SHISA9: variants seen among roughly 807,000 people sequenced by gnomAD.
SHISA9 encodes protein shisa-9.
A neutral mutation model predicts 38.0 loss-of-function variants in SHISA9; 13 were observed. The observed-to-expected ratio is 0.34, with a 90% CI of 0.22 to 0.54. The LOEUF (loss-of-function observed/expected upper bound fraction) is 0.54. Ranked by LOEUF, SHISA9 falls within the 20% of genes least tolerant of loss-of-function variation. SHISA9 has a pLI of 0.91. For missense variants in SHISA9, 538 were observed against 575.8 expected (o/e 0.93, Z 0.67); for synonymous variants, 275 against 242.0 (o/e 1.14, Z -1.27).
chr16:13,469,377 G>GAA, the SHISA9 span, among the ~76,000 whole-genome samples: 965 of 92,794 alleles, frequency 0.01, 8 homozygotes, highest in Admixed American at 0.03. Context: ...AAGAAAGAAA[G>GAA]AAAGAAAGAA....
the SHISA9 span, among the ~76,000 whole-genome samples, chr16:13,379,337 G>T: frequency 6.6e-6 from 1 of 152,254 alleles, no homozygotes. Flanking sequence ...TGCTCTCTCT[G>T]ATGGTGATTA....
chr16:12,917,573 A>G (rs542509866), intron 2 of SHISA9, among the ~76,000 whole-genome samples: 2 of 152,378 alleles, frequency 1.3e-5, no homozygotes, highest in East Asian at 3.9e-4. Flanking sequence ...TACAATATAC[A>G]TCGTGGAGCT....
chr16:13,150,803 A>G (rs1567228690), intron 2 of SHISA9, among the ~76,000 whole-genome samples: 1 of 152,208 alleles, frequency 6.6e-6, no homozygotes, highest in African/African-American at 2.4e-5. Flanking sequence ...TTGGGATTCA[A>G]CCATGACCAT....
chr16:13,356,775 G>C, the SHISA9 span, among the ~76,000 whole-genome samples: 2 of 152,130 alleles, frequency 1.3e-5, no homozygotes, highest in African/African-American at 2.4e-5. Flanking sequence ...GGAAGGGACT[G>C]ATGTGTAAAA....
At chr16:13,023,829 T>G (rs1034228391) in intron 2 of SHISA9, among the ~76,000 whole-genome samples, 1 of 152,222 alleles carries the variant, frequency 6.6e-6, no homozygotes, top group South Asian at 2.1e-4. Flanking sequence ...CCTCTTTTTC[T>G]AAATGAGGTC....
At chr16:13,123,428 G>A (rs1392048533) in intron 2 of SHISA9, among the ~76,000 whole-genome samples, 1 of 152,212 alleles carries the variant, frequency 6.6e-6, no homozygotes, top group Non-Finnish European at 1.5e-5. Context: ...TTGATTAATG[G>A]TGCCTGTTAA....
chr16:13,478,972 A>C, the SHISA9 span, among the ~76,000 whole-genome samples: 1 of 152,202 alleles, frequency 6.6e-6, no homozygotes. Flanking sequence ...TTTGTGTCTT[A>C]AAACAACACA....
intron 2 of SHISA9, among the ~76,000 whole-genome samples, chr16:13,057,075 G>A (rs376736826): frequency 9.8e-5 from 15 of 152,308 alleles, no homozygotes; most frequent in African/African-American, 3.6e-4. Flanking sequence ...CTAAAGGAAT[G>A]GGCCTCGGTG....
At chr16:13,093,868 C>T (rs577911414) in intron 2 of SHISA9, among the ~76,000 whole-genome samples, 34 of 152,250 alleles carry the variant, frequency 2.2e-4, no homozygotes, top group African/African-American at 7.7e-4. Context: ...CTCAGACATT[C>T]GCTCCTCTGG....
the SHISA9 span, among the ~76,000 whole-genome samples, chr16:13,556,114 C>G: frequency 6.6e-6 from 1 of 152,194 alleles, no homozygotes; most frequent in African/African-American, 2.4e-5. Context: ...TCAAATCTCC[C>G]TGAGTTCCTC....
At chr16:13,091,001 C>G (rs2073769182) in intron 2 of SHISA9, among the ~76,000 whole-genome samples, 1 of 152,134 alleles carries the variant, frequency 6.6e-6, no homozygotes, top group Non-Finnish European at 1.5e-5. Context: ...CTGGTGGTGA[C>G]AAAATCTCTG....
chr16:13,119,863 G>A (rs1009606607), intron 2 of SHISA9, among the ~76,000 whole-genome samples: 3 of 152,236 alleles, frequency 2.0e-5, no homozygotes, highest in African/African-American at 7.2e-5. Context: ...TTGTTGTTGT[G>A]GATTGCATGA....
the SHISA9 span, among the ~76,000 whole-genome samples, chr16:13,483,007 A>T: frequency 2.0e-5 from 3 of 152,168 alleles, no homozygotes; most frequent in African/African-American, 7.2e-5. Context: ...CCAAGAGCAG[A>T]ATTCTCATTT....
At chr16:13,403,431 A>G in the SHISA9 span, among the ~76,000 whole-genome samples, 1 of 152,180 alleles carries the variant, frequency 6.6e-6, no homozygotes. Context: ...GAATGGATGG[A>G]TGATTGGATG....
intron 2 of SHISA9, among the ~76,000 whole-genome samples, chr16:12,973,827 T>C (rs951983801): frequency 6.6e-6 from 1 of 152,170 alleles, no homozygotes; most frequent in Non-Finnish European, 1.5e-5. Flanking sequence ...CTGGTCTAAG[T>C]TTTGCCACTA....
In SHISA9 at chr16:13,080,409, T is replaced by G. The variant is rs1465935952; in HGVS notation, c.692-122985T>G. Among the ~76,000 whole-genome samples, 4 of 152,220 alleles carry G rather than the reference T, an allele frequency of 2.6e-5. No individual in the cohort carries two copies. In the South Asian group the frequency reaches 6.2e-4, roughly 24 times the overall value. On this transcript the variant is annotated intron_variant, in intron 2 of 4. Coordinates refer to ENST00000558583, the MANE Select transcript of SHISA9 (RefSeq NM_001145204.3). ...TAAATAAGTAAAAAACACCACCACTTGGTCAGCTCCAATTTTTATCTTAGC... is the reference window on the plus strand; with the variant it reads ...TAAATAAGTAAAAAACACCACCACTGGGTCAGCTCCAATTTTTATCTTAGC...
chr16:13,395,657 A>G, the SHISA9 span, among the ~76,000 whole-genome samples: 2 of 152,254 alleles, frequency 1.3e-5, no homozygotes, highest in Non-Finnish European at 2.9e-5. Flanking sequence ...CTGGTAGACC[A>G]TAAGCTCTTG....
the SHISA9 span, among the ~76,000 whole-genome samples, chr16:13,433,705 TG>T: frequency 6.6e-6 from 1 of 152,232 alleles, no homozygotes; most frequent in Non-Finnish European, 1.5e-5. Flanking sequence ...GTAAAAACTC[TG>T]GGAATGCAAG....
chr16:12,997,920 G>A (rs138699612), intron 2 of SHISA9, among the ~76,000 whole-genome samples: 115 of 152,212 alleles, frequency 7.6e-4, no homozygotes, highest in African/African-American at 2.6e-3. Flanking sequence ...CAGCTTAAAC[G>A]GTGCCTTCTC....
Sources: allele counts gnomAD v4.1 joint callset (sites outside exome capture counted in the v4.1 genomes callset), GRCh38; gene constraint gnomAD v4.1.1; transcripts MANE v1.5; gene names NCBI Gene and HGNC (gene_info 2026-07-23, HGNC 2026-07-21).